The following LAMB3 variants were observed in gnomAD, a reference collection of about 807,000 sequenced individuals.
LAMB3 encodes the protein laminin subunit beta 3, also known as laminin subunit beta-3.
Under a neutral mutation model 140.3 loss-of-function variants are expected in LAMB3, and 104 were observed. The ratio of observed to expected loss-of-function variants is 0.74; its 90% CI spans 0.63 to 0.87. LAMB3 has a LOEUF of 0.87. LAMB3 is among the 40% of genes least tolerant of loss of function. The pLI, the probability that LAMB3 is intolerant of heterozygous loss-of-function variation, is 0.00. For synonymous variants in LAMB3, 592 were observed against 602.9 expected, an observed-to-expected ratio of 0.98 and a Z score of 0.26; for missense variants, 1,531 against 1,575.2, an observed-to-expected ratio of 0.97 and a Z score of 0.47.
At chr1:209,642,738 C>T (rs1340907838) in intron 3 of LAMB3, among the ~76,000 whole-genome samples, 1 of 152,198 alleles carries the variant, frequency 6.6e-6, no homozygotes, top group Non-Finnish European at 1.5e-5. Flanking sequence ...CCCAGCCTCC[C>T]AAAGTGCTGA....
intron 3 of LAMB3, 79 bp downstream of exon 3, chr1:209,649,885 C>T: frequency 6.6e-7 from 1 of 1,514,434 alleles, no homozygotes; most frequent in Non-Finnish European, 9.2e-7. Context: ...CAAGTACATT[C>T]TAAGTATTCA....
intron 3 of LAMB3, among the ~76,000 whole-genome samples, chr1:209,640,812 T>A (rs2076461791): frequency 6.6e-6 from 1 of 152,050 alleles, no homozygotes; most frequent in Non-Finnish European, 1.5e-5. Context: ...CCAGGCGCGG[T>A]GGCTCACGCC....
rs371169974 is a variant in LAMB3 at position 209,618,138 on chromosome 1, A to G, written c.2910-90T>C. The G allele has an allele frequency of 8.9e-5, 135 of 1,520,508 alleles. No individual in the cohort carries two copies. The African/African-American group carries it at 1.3e-3, about 15-fold the overall frequency. The allele number at this position is 1,520,508 out of a possible 1,614,324, so 94.2% of individuals were successfully genotyped here. On this transcript the variant is annotated intron_variant, in intron 19 of 22. Coordinates refer to ENST00000356082, the MANE Select transcript of LAMB3 (RefSeq NM_000228.3). Reference sequence around the variant, plus strand: ...TCGACTCACACACCAGTCCAAAAGAACACCCTTCCCAGCCAAGGCAAAGAG... The same window carrying G: ...TCGACTCACACACCAGTCCAAAAGAGCACCCTTCCCAGCCAAGGCAAAGAG...
chr1:209,625,625 G>C, intron 14 of LAMB3, 23 bp downstream of exon 14: 1 of 1,613,998 alleles, frequency 6.2e-7, no homozygotes, highest in Non-Finnish European at 8.5e-7. Flanking sequence ...TCTTGCAAAT[G>C]CTTGGCAGGG....
chr1:209,622,376 G>A (rs370259024), intron 18 of LAMB3, among the ~76,000 whole-genome samples, 160 bp downstream of exon 18: 1 of 152,230 alleles, frequency 6.6e-6, no homozygotes, highest in East Asian at 1.9e-4. Context: ...GGGCAGACGG[G>A]AGAACGAGAA....
Position 209,630,742 on chromosome 1 carries a change from G to A in LAMB3, c.823-7C>T, listed in dbSNP as rs747405176. ...AGACACAGACATCGTGGACCTGGGA[G>A]GGGGACCGTCAGCCATCAGGAGTAA... On this transcript the variant is annotated splice_region_variant and splice_polypyrimidine_tract_variant and intron_variant, in intron 8 of 22. Coordinates refer to ENST00000356082, the MANE Select transcript of LAMB3 (RefSeq NM_000228.3). The A allele has an allele frequency of 6.2e-7, 1 of 1,613,712 alleles. No homozygotes were observed. Among genetic ancestry groups the A allele is most frequent in the Non-Finnish European group, 8.5e-7 (1 of 1,179,940 alleles).
chr1:209,641,704 C>T (rs1375138111), intron 3 of LAMB3, among the ~76,000 whole-genome samples: 1 of 152,230 alleles, frequency 6.6e-6, no homozygotes, highest in Non-Finnish European at 1.5e-5. Context: ...CCAGCTGACT[C>T]AGCTCAGTTA....
intron 18 of LAMB3, among the ~76,000 whole-genome samples, chr1:209,619,540 A>G (rs1439309090): frequency 6.6e-6 from 1 of 152,246 alleles, no homozygotes; most frequent in Non-Finnish European, 1.5e-5. Context: ...AGGAATATCA[A>G]TCCCCAATCT....
At chr1:209,627,634 C>A in intron 11 of LAMB3, 55 bp from the exon 12 acceptor site, 2 of 1,534,948 alleles carry the variant, frequency 1.3e-6, no homozygotes, top group Non-Finnish European at 1.8e-6. Flanking sequence ...AACTCACCCC[C>A]AGAGGACACA....
rs1558153959 is a variant in LAMB3, at chr1:209,626,008, C to CGGA, written c.1613_1615dup (p.Phe538_Arg539insLeu). On this transcript the variant is annotated inframe_insertion, in exon 14 of 23. Coordinates refer to ENST00000356082, the MANE Select transcript of LAMB3 (RefSeq NM_000228.3). ...GTCGCAGCCCGGGCCCTCTGTTCCC[C>CGGA]GGAAATCACAGTCACAGGCTAGGGC... 6.2e-7 allele frequency: 1 copy of CGGA among 1,612,854 alleles called. No individual in the cohort carries two copies.
At position 209,630,679 on chromosome 1, in the gene LAMB3, A is replaced by C. The variant is rs776310420; in HGVS notation, c.879T>G (p.Cys293Trp). Residue 293 changes from cysteine to tryptophan, a missense_variant, in exon 9 of 23, where the codon TGT becomes TGG. Physicochemically the swap from Cys to Trp is radical, Grantham distance 215. Transcript: ENST00000356082. ...AGGGCCGGTTGTTGTAGAAGGGTGC[A>C]CAGCGCTCACAATTTGGGCCGGCAG... ...HNTAGPNCER[C>W]APFYNNRPWR... The C allele has an allele frequency of 1.9e-6, 3 of 1,614,070 alleles. No individual in the cohort carries two copies. In the South Asian group the frequency reaches 3.3e-5, roughly 18 times the overall value.
chr1:209,616,378 G>T, intron 22 of LAMB3, 93 bp downstream of exon 22: 1 of 1,421,198 alleles, frequency 7.0e-7, no homozygotes, highest in Non-Finnish European at 9.9e-7. Flanking sequence ...AGCACGGCTA[G>T]CTCCAATAAG....
chr1:209,639,667 GCA>G (rs139931753), intron 3 of LAMB3, among the ~76,000 whole-genome samples: 18 of 150,542 alleles, frequency 1.2e-4, no homozygotes, highest in African/African-American at 3.9e-4. Flanking sequence ...ATGCGCACAC[GCA>G]CACACACACA....
intron 6 of LAMB3, 130 bp from the exon 7 acceptor site, chr1:209,633,263 A>G (rs940107685): frequency 2.7e-6 from 2 of 740,924 alleles, no homozygotes; most frequent in African/African-American, 1.7e-5. Flanking sequence ...GAGATAGACC[A>G]TGGCTATGAG....
intron 3 of LAMB3, among the ~76,000 whole-genome samples, chr1:209,649,555 C>G (rs985964534): frequency 6.6e-6 from 1 of 152,188 alleles, no homozygotes; most frequent in African/African-American, 2.4e-5. Context: ...TGGCACAGCT[C>G]AGTTCCTGCC....
chr1:209,651,062 C>T (rs1364610773), intron 1 of LAMB3, 81 bp from the exon 2 acceptor site: 3 of 950,064 alleles, frequency 3.2e-6, no homozygotes, highest in Non-Finnish European at 5.2e-6. Context: ...TGTTTCTAGA[C>T]TCAAGTATTT....
In LAMB3 at chr1:209,623,209, T is replaced by TTTAACCTCTTTA; in HGVS notation, c.2359-31_2359-30insTAAAGAGGTTAA. 3.7e-6 allele frequency: 6 copies of TTTAACCTCTTTA among 1,611,334 alleles called. No individual in the cohort carries two copies. Among genetic ancestry groups the TTTAACCTCTTTA allele is most frequent in the Non-Finnish European group, 5.1e-6 (6 of 1,177,852 alleles). On this transcript the variant is annotated intron_variant, in intron 16 of 22. Coordinates refer to ENST00000356082, the MANE Select transcript of LAMB3 (RefSeq NM_000228.3). This position sits in a 1 kb window ranked among gnomAD's most constrained non-coding sequence, Gnocchi z 4.2. Reference sequence around the variant, plus strand: ...GGACAGATGGCGGTGTTAAAGAGGCTACCCAAAGCCCCTCAATAACCAATC... The same window carrying TTTAACCTCTTTA: ...GGACAGATGGCGGTGTTAAAGAGGCTTTAACCTCTTTAACCCAAAGCCCCTCAATAACCAATC...
In LAMB3 at chr1:209,650,913, T is replaced by C; in HGVS notation, c.28+4A>G. 4.3e-6 allele frequency: 7 copies of C among 1,614,090 alleles called. No individual in the cohort carries two copies. Among genetic ancestry groups the C allele is most frequent in the Non-Finnish European group, 5.9e-6 (7 of 1,179,948 alleles). On this transcript the variant is annotated splice_donor_region_variant and intron_variant, in intron 2 of 22. Coordinates refer to ENST00000356082, the MANE Select transcript of LAMB3 (RefSeq NM_000228.3). ...GGCCTGGAAGGATGGGAAGGGGTAC[T>C]TACCAAAACACAAGAGGAAGAATGG...
At chr1:209,628,748 G>C (rs1220991362) in intron 10 of LAMB3, among the ~76,000 whole-genome samples, 2 of 151,142 alleles carry the variant, frequency 1.3e-5, no homozygotes, top group Non-Finnish European at 2.9e-5. Context: ...ATAAAGCAGG[G>C]GGAGCATATT....
Sources: allele counts gnomAD v4.1 joint callset (sites outside exome capture counted in the v4.1 genomes callset), GRCh38; gene constraint gnomAD v4.1.1; non-coding constraint Gnocchi (gnomAD v3.1); transcripts MANE v1.5; gene names NCBI Gene and HGNC (gene_info 2026-07-23, HGNC 2026-07-21).